The following LRRC4C variants were observed in gnomAD, a reference collection of about 807,000 sequenced individuals.
LRRC4C encodes the protein leucine-rich repeat-containing protein 4C.
In LRRC4C, 5 loss-of-function variants were observed where a neutral mutation model predicts 33.6. The observed-to-expected ratio is 0.15, with a 90% CI of 0.08 to 0.31. LRRC4C has a LOEUF of 0.31. LRRC4C is among the 10% of genes least tolerant of loss of function. LRRC4C has a pLI of 1.00. For missense variants in LRRC4C, 560 were observed against 796.7 expected, an observed-to-expected ratio of 0.70 and a Z score of 3.58; for synonymous variants, 329 against 302.0, an observed-to-expected ratio of 1.09 and a Z score of -0.93.
intron 1 of LRRC4C, among the ~76,000 whole-genome samples, chr11:41,171,601 T>C (rs1295145826): frequency 6.8e-5 from 3 of 44,206 alleles, no homozygotes; most frequent in Non-Finnish European, 1.4e-4. Context: ...GGGACTGTTG[T>C]GGGGTGGCGG....
chr11:41,263,236 A>AT (rs1949041700), intron 1 of LRRC4C, among the ~76,000 whole-genome samples: 1 of 152,122 alleles, frequency 6.6e-6, no homozygotes, highest in African/African-American at 2.4e-5. Context: ...TTTATTATTG[A>AT]TTTTTTGACT....
intron 1 of LRRC4C, among the ~76,000 whole-genome samples, chr11:41,244,080 G>A (rs1490763157): frequency 6.6e-6 from 1 of 152,034 alleles, no homozygotes; most frequent in African/African-American, 2.4e-5. Context: ...AGAAGAGAAT[G>A]GATAATTTCC....
At chr11:41,236,574 G>GA (rs141265510) in intron 1 of LRRC4C, among the ~76,000 whole-genome samples, 2,424 of 144,994 alleles carry the variant, frequency 0.017, 31 homozygotes, top group Middle Eastern at 0.06. Context: ...CATTATAATT[G>GA]AAAAAAAAAA....
chr11:40,653,828 G>A (rs1017753510), intron 2 of LRRC4C, among the ~76,000 whole-genome samples: 1 of 152,166 alleles, frequency 6.6e-6, no homozygotes, highest in Non-Finnish European at 1.5e-5. Flanking sequence ...ACCCATCACA[G>A]GCCAAGAAGC....
At chr11:41,161,057 G>T (rs1005906100) in intron 1 of LRRC4C, among the ~76,000 whole-genome samples, 1 of 152,080 alleles carries the variant, frequency 6.6e-6, no homozygotes, top group African/African-American at 2.4e-5. Flanking sequence ...TTCTGTAGAA[G>T]ACTAATAAAC....
chr11:41,304,059 C>T (rs1473159801), intron 1 of LRRC4C, among the ~76,000 whole-genome samples: 2 of 72,232 alleles, frequency 2.8e-5, no homozygotes, highest in Non-Finnish European at 6.9e-5. Flanking sequence ...GGGTCAGCCC[C>T]CCGCCCAGCC....
At chr11:41,256,353 C>T (rs1948799700) in intron 1 of LRRC4C, among the ~76,000 whole-genome samples, 1 of 152,004 alleles carries the variant, frequency 6.6e-6, no homozygotes, top group Admixed American at 6.6e-5. Context: ...TCTCCTGAAC[C>T]TTATCCAAAT....
At chr11:40,678,561 G>T (rs1181662847) in intron 2 of LRRC4C, among the ~76,000 whole-genome samples, 1 of 152,026 alleles carries the variant, frequency 6.6e-6, no homozygotes, top group East Asian at 1.9e-4. Context: ...TGCATCATAG[G>T]AGGGACCCAG....
At chr11:40,645,342 GCTTTTTATTAAATTACAAT>G (rs1318889796) in intron 3 of LRRC4C, among the ~76,000 whole-genome samples, 2 of 152,060 alleles carry the variant, frequency 1.3e-5, no homozygotes, top group African/African-American at 4.8e-5. Flanking sequence ...CAGGCTGTGT[GCTTTTTATTAAATTACAAT>G]CTCTCAGTTC....
chr11:41,089,446 T>G (rs111825688), intron 1 of LRRC4C, among the ~76,000 whole-genome samples: 4 of 152,168 alleles, frequency 2.6e-5, no homozygotes, highest in African/African-American at 9.6e-5. Context: ...CAGATGACTT[T>G]GGCTTTGGTC....
At position 40,791,265 on chromosome 11, in the gene LRRC4C, T is replaced by C. The variant is rs534100867; in HGVS notation, c.-407+142370A>G. ...ATTGTATGGTGTTGCAAATAAACTC[T>C]ATTGATTTTACATTTTTCCATAGTA... On this transcript the variant is annotated intron_variant, in intron 2 of 6. Transcript: ENST00000528697. Among the ~76,000 whole-genome samples the C allele has an allele frequency of 7.2e-5, 11 of 152,302 alleles. No homozygotes were observed. In the East Asian group the frequency reaches 1.9e-3, roughly 27 times the overall value.
intron 4 of LRRC4C, among the ~76,000 whole-genome samples, chr11:40,291,429 G>T (rs114530844): frequency 0.014 from 2,192 of 152,286 alleles, 58 homozygotes; most frequent in African/African-American, 0.05. Flanking sequence ...GTGAACTGGT[G>T]ATGTTGGAAA....
At chr11:40,942,825 A>T (rs577746832) in intron 1 of LRRC4C, among the ~76,000 whole-genome samples, 1 of 152,304 alleles carries the variant, frequency 6.6e-6, no homozygotes, top group African/African-American at 2.4e-5. Flanking sequence ...ATAACACCAG[A>T]CAGACCAGAG....
intron 3 of LRRC4C, among the ~76,000 whole-genome samples, chr11:40,406,854 T>C (rs1949981696): frequency 6.6e-6 from 1 of 152,124 alleles, no homozygotes; most frequent in Non-Finnish European, 1.5e-5. Context: ...CAAGGAAATA[T>C]GAAATACTGT....
In LRRC4C at chr11:41,051,520, CAAAAAAAAAAAAAAAAAAAAA is replaced by C. The variant is rs530003573; in HGVS notation, c.-495-117818_-495-117798del. Among the ~76,000 whole-genome samples, 15 of 60,288 alleles carry C rather than the reference CAAAAAAAAAAAAAAAAAAAAA, an allele frequency of 2.5e-4. No homozygotes were observed. In the South Asian group the frequency reaches 6.5e-3, roughly 26 times the overall value. 39.6% of individuals were successfully genotyped at this position (60,288 alleles called of 152,430 possible). On this transcript the variant is annotated intron_variant, in intron 1 of 6. Transcript: ENST00000528697. ...CTCAGTCCCTCCCAGGGTCTCAAGG[CAAAAAAAAAAAAAAAAAAAAA>C]AAAAAAAAAAAAGGAAAAATTAGTT... is the stretch of plus-strand genomic sequence containing the variant.
At chr11:40,872,317 TAA>T (rs34490125) in intron 2 of LRRC4C, among the ~76,000 whole-genome samples, 4 of 146,236 alleles carry the variant, frequency 2.7e-5, no homozygotes, top group African/African-American at 7.6e-5. Context: ...GGCTGAAAGT[TAA>T]AAAAAAAAAA....
chr11:41,012,481 T>A (rs1413236300), intron 1 of LRRC4C, among the ~76,000 whole-genome samples: 2 of 152,190 alleles, frequency 1.3e-5, no homozygotes, highest in African/African-American at 2.4e-5. Context: ...TATCCATTCA[T>A]CCACTGATTA....
chr11:41,220,848 C>G (rs145909263), intron 1 of LRRC4C, among the ~76,000 whole-genome samples: 2 of 152,102 alleles, frequency 1.3e-5, no homozygotes, highest in African/African-American at 4.8e-5. Flanking sequence ...TTGTTCTAGG[C>G]CAGTGTCTAT....
At position 40,129,866 on chromosome 11, in the gene LRRC4C, A is replaced by G. The variant is rs527686655; in HGVS notation, c.-43+10935T>C. On this transcript the variant is annotated intron_variant, in intron 6 of 6. Coordinates refer to ENST00000528697, the MANE Select transcript of LRRC4C (RefSeq NM_001258419.2). ...AGCAACAAAAAGTCAAATCTACTTC[A>G]TGCTAAAAAATCCGACCCAGGGATA... 6.6e-5 allele frequency among the ~76,000 whole-genome samples: 10 copies of G among 152,312 alleles called. No individual in the cohort carries two copies. In the East Asian group the frequency reaches 1.9e-3, roughly 29 times the overall value.
Sources: allele counts gnomAD v4.1 joint callset (sites outside exome capture counted in the v4.1 genomes callset), GRCh38; gene constraint gnomAD v4.1.1; transcripts MANE v1.5; gene names NCBI Gene and HGNC (gene_info 2026-07-23, HGNC 2026-07-21).